The following NBAS variants were observed in gnomAD, a reference collection of about 807,000 sequenced individuals.
The protein encoded by NBAS is NBAS subunit of NRZ tethering complex, also known as NAG/BC035112 fusion.
A neutral mutation model predicts 302.5 loss-of-function variants in NBAS; 219 were observed. The observed-to-expected ratio is 0.72, with a 90% CI of 0.65 to 0.81. The LOEUF is 0.81. Among genes scored for constraint, NBAS ranks in the 30% least tolerant of loss-of-function variants. NBAS has a pLI of 0.00. For synonymous variants in NBAS, 1,118 were observed against 1,021.6 expected (o/e 1.09, Z -1.80); for missense variants, 2,932 against 2,841.6 (o/e 1.03, Z -0.72).
the NBAS span, among the ~76,000 whole-genome samples, chr2:14,930,647 C>T: frequency 5.9e-5 from 9 of 152,150 alleles, no homozygotes; most frequent in Non-Finnish European, 4.4e-5. Flanking sequence ...GTGATTCATG[C>T]CCATGGCTTC....
At chr2:14,897,285 G>A in the NBAS span, among the ~76,000 whole-genome samples, 1 of 152,160 alleles carries the variant, frequency 6.6e-6, no homozygotes, top group African/African-American at 2.4e-5. Flanking sequence ...TTTTTAGAGC[G>A]CTATGGAGAT....
At chr2:14,959,202 CA>C in the NBAS span, among the ~76,000 whole-genome samples, 1 of 152,206 alleles carries the variant, frequency 6.6e-6, no homozygotes, top group African/African-American at 2.4e-5. Flanking sequence ...AAGAGAGATG[CA>C]ATTCCTATCT....
At chr2:15,552,847 C>T (rs948089073) in intron 5 of NBAS, among the ~76,000 whole-genome samples, 15 of 149,438 alleles carry the variant, frequency 1.0e-4, no homozygotes, top group Non-Finnish European at 2.2e-4. Flanking sequence ...GGCTGGAGTG[C>T]AGTGGCACAA....
chr2:15,350,294 T>G (rs1046023709), intron 35 of NBAS, among the ~76,000 whole-genome samples: 12 of 151,500 alleles, frequency 7.9e-5, no homozygotes, highest in African/African-American at 2.9e-4. Flanking sequence ...AAAAAGTTAG[T>G]GCAGTTCACT....
chr2:15,480,353 A>G (rs937345046), intron 12 of NBAS, among the ~76,000 whole-genome samples: 4 of 151,890 alleles, frequency 2.6e-5, no homozygotes, highest in Non-Finnish European at 5.9e-5. Context: ...AAAAAATGAA[A>G]ATAAATAAAT....
At chr2:15,092,007 A>G in the NBAS span, among the ~76,000 whole-genome samples, 1 of 152,344 alleles carries the variant, frequency 6.6e-6, no homozygotes, top group East Asian at 1.9e-4. Flanking sequence ...AAAGTTATAC[A>G]TGATTTTTTG....
chr2:15,156,916 C>A, the NBAS span, among the ~76,000 whole-genome samples: 1 of 152,196 alleles, frequency 6.6e-6, no homozygotes, highest in Non-Finnish European at 1.5e-5. Context: ...TGTTTCTTAA[C>A]CTTTCTGGAT....
the NBAS span, among the ~76,000 whole-genome samples, chr2:14,868,963 A>G: frequency 2.0e-5 from 3 of 152,188 alleles, no homozygotes; most frequent in Non-Finnish European, 4.4e-5. Context: ...TGGATTATAA[A>G]TCGTATGTTA....
At chr2:15,118,832 C>T in the NBAS span, among the ~76,000 whole-genome samples, 2 of 152,214 alleles carry the variant, frequency 1.3e-5, no homozygotes, top group African/African-American at 4.8e-5. Flanking sequence ...TGATTCCTGA[C>T]CCACAGAACC....
chr2:15,504,116 C>G (rs767056987), intron 11 of NBAS, 29 bp downstream of exon 11: 2 of 1,585,140 alleles, frequency 1.3e-6, no homozygotes, highest in East Asian at 2.2e-5. Flanking sequence ...GTTTGAGAAG[C>G]CCACCATAGT....
chr2:14,902,622 T>C, the NBAS span, among the ~76,000 whole-genome samples: 1 of 152,210 alleles, frequency 6.6e-6, no homozygotes, highest in African/African-American at 2.4e-5. Context: ...AATGTCAGCC[T>C]GGGAATTTTG....
At chr2:14,828,039 T>A in the NBAS span, among the ~76,000 whole-genome samples, 23 of 152,214 alleles carry the variant, frequency 1.5e-4, no homozygotes, top group African/African-American at 5.3e-4. Context: ...AAACATACTA[T>A]AATCTCAGTT....
intron 11 of NBAS, among the ~76,000 whole-genome samples, chr2:15,493,530 GA>G (rs1190407903): frequency 2.0e-5 from 3 of 152,068 alleles, no homozygotes; most frequent in Non-Finnish European, 2.9e-5. Context: ...AGCCAGGCAT[GA>G]TGGCAAGTGC....
the NBAS span, among the ~76,000 whole-genome samples, chr2:14,808,249 G>T: frequency 6.6e-6 from 1 of 152,182 alleles, no homozygotes; most frequent in Non-Finnish European, 1.5e-5. Flanking sequence ...AGCTAGTAAG[G>T]TGGGGAGCTA....
At chr2:15,463,980 AAAGAGAGAAGGC>A (rs1296939955) in intron 19 of NBAS, among the ~76,000 whole-genome samples, 3 of 152,124 alleles carry the variant, frequency 2.0e-5, no homozygotes, top group Non-Finnish European at 4.4e-5. Context: ...ATATTTAGTG[AAAGAGAGAAGGC>A]AAGAGTAGAA....
At chr2:15,280,785 G>A (rs181770668) in intron 42 of NBAS, among the ~76,000 whole-genome samples, 29 of 152,288 alleles carry the variant, frequency 1.9e-4, no homozygotes, top group African/African-American at 6.7e-4. Context: ...CTGGTGAACA[G>A]TGGCCTCACC....
At chr2:15,082,447 C>A in the NBAS span, among the ~76,000 whole-genome samples, 58 of 152,310 alleles carry the variant, frequency 3.8e-4, no homozygotes, top group Middle Eastern at 3.4e-3. Flanking sequence ...AGCAGACCAT[C>A]TAGACTCACA....
intron 31 of NBAS, among the ~76,000 whole-genome samples, chr2:15,370,395 T>A (rs1013247562): frequency 1.2e-4 from 19 of 152,094 alleles, no homozygotes; most frequent in African/African-American, 4.6e-4. Context: ...CTAGGACAAG[T>A]GATCCTCCTG....
chr2:15,015,356 T>C, the NBAS span, among the ~76,000 whole-genome samples: 1 of 151,978 alleles, frequency 6.6e-6, no homozygotes, highest in Admixed American at 6.5e-5. Flanking sequence ...TATAGCCCTA[T>C]ATGCCTGATG....
Sources: allele counts gnomAD v4.1 joint callset (sites outside exome capture counted in the v4.1 genomes callset), GRCh38; gene constraint gnomAD v4.1.1; transcripts MANE v1.5; gene names NCBI Gene and HGNC (gene_info 2026-07-23, HGNC 2026-07-21).